ADAMTSL1: variants seen among roughly 807,000 people sequenced by gnomAD.
The protein encoded by ADAMTSL1 is ADAMTS-like protein 1.
Under a neutral mutation model 201.8 loss-of-function variants are expected in ADAMTSL1, and 126 were observed. That is an observed-to-expected ratio of 0.62 (90% confidence interval 0.54 to 0.72). ADAMTSL1 has a LOEUF of 0.72. ADAMTSL1 is among the 30% of genes least tolerant of loss of function. The pLI is 0.00. For missense variants in ADAMTSL1, 2,679 were observed against 2,277.8 expected (o/e 1.18, Z -3.59); for synonymous variants, 1,121 against 903.4 (o/e 1.24, Z -4.32).
At chr9:18,465,573 C>T (rs1254685486) in intron 2 of ADAMTSL1, among the ~76,000 whole-genome samples, 1 of 152,160 alleles carries the variant, frequency 6.6e-6, no homozygotes, top group South Asian at 2.1e-4. Context: ...TGGAATTACA[C>T]CCACTTGCTC....
chr9:18,399,428 C>T (rs1168798904), intron 2 of ADAMTSL1, among the ~76,000 whole-genome samples: 1 of 150,726 alleles, frequency 6.6e-6, no homozygotes, highest in East Asian at 2.0e-4. Flanking sequence ...CAACCTCCGC[C>T]TCCCGGGTTC....
intron 1 of ADAMTSL1, among the ~76,000 whole-genome samples, chr9:18,123,658 C>A (rs539561470): frequency 6.6e-6 from 1 of 152,056 alleles, no homozygotes; most frequent in Non-Finnish European, 1.5e-5. Context: ...TGTATAGGTT[C>A]AATGAATTTT....
At chr9:18,622,487 A>G (rs1025254564) in intron 5 of ADAMTSL1, 118 bp downstream of exon 5, 29 of 1,450,520 alleles carry the variant, frequency 2.0e-5, no homozygotes, top group Admixed American at 6.0e-5. Flanking sequence ...AATGAACCTG[A>G]AAATGTAGAA....
intron 1 of ADAMTSL1, among the ~76,000 whole-genome samples, chr9:18,080,201 A>C (rs1366640120): frequency 6.6e-6 from 1 of 152,208 alleles, no homozygotes; most frequent in Non-Finnish European, 1.5e-5. Context: ...CCAGAAGGAA[A>C]AGTCCTCAGT....
At chr9:18,674,408 C>G (rs1452881189) in intron 9 of ADAMTSL1, among the ~76,000 whole-genome samples, 1 of 152,036 alleles carries the variant, frequency 6.6e-6, no homozygotes, top group Non-Finnish European at 1.5e-5. Flanking sequence ...TTTGACTTCT[C>G]TCATGTATCC....
chr9:18,239,466 C>G (rs1422654958), intron 2 of ADAMTSL1, among the ~76,000 whole-genome samples: 1 of 152,148 alleles, frequency 6.6e-6, no homozygotes, highest in Non-Finnish European at 1.5e-5. Flanking sequence ...TGGCTGGGCA[C>G]CATGGCTCAC....
chr9:18,874,527 T>C (rs1293552438), intron 23 of ADAMTSL1, among the ~76,000 whole-genome samples: 1 of 152,162 alleles, frequency 6.6e-6, no homozygotes, highest in Non-Finnish European at 1.5e-5. Flanking sequence ...AGGTGCTTTT[T>C]CTGCATCAAT....
At chr9:18,460,267 A>T (rs1425561431) in intron 2 of ADAMTSL1, among the ~76,000 whole-genome samples, 1 of 152,174 alleles carries the variant, frequency 6.6e-6, no homozygotes, top group Non-Finnish European at 1.5e-5. Context: ...GTAAATAAAC[A>T]CCGTATCTTA....
At chr9:17,920,776 C>A (rs568736255) in intron 1 of ADAMTSL1, among the ~76,000 whole-genome samples, 2 of 152,314 alleles carry the variant, frequency 1.3e-5, no homozygotes, top group East Asian at 3.9e-4. Context: ...GCTATACGGT[C>A]TTTGTCCTAA....
At chr9:18,403,886 G>A (rs1390428273) in intron 2 of ADAMTSL1, among the ~76,000 whole-genome samples, 2 of 152,044 alleles carry the variant, frequency 1.3e-5, no homozygotes, top group Non-Finnish European at 2.9e-5. Context: ...TTAACTTTGA[G>A]GGCCTGTTGT....
At chr9:18,155,419 C>T (rs1378198843) in intron 1 of ADAMTSL1, among the ~76,000 whole-genome samples, 3 of 151,994 alleles carry the variant, frequency 2.0e-5, no homozygotes, top group Non-Finnish European at 2.9e-5. Flanking sequence ...GTCTGTCACC[C>T]ACTAGTTCTG....
At chr9:18,826,162 G>C in intron 21 of ADAMTSL1, 122 bp from the exon 22 acceptor site, 3 of 1,173,686 alleles carry the variant, frequency 2.6e-6, no homozygotes, top group Non-Finnish European at 2.4e-6. Context: ...AAGCCTGGTA[G>C]AAGATGTCCC....
intron 9 of ADAMTSL1, among the ~76,000 whole-genome samples, chr9:18,674,223 A>ACACAC (rs1564139447): frequency 0.041 from 5,410 of 130,602 alleles, 128 homozygotes; most frequent in Middle Eastern, 0.061. Flanking sequence ...CACACACACA[A>ACACAC]ACACACACAT....
intron 1 of ADAMTSL1, among the ~76,000 whole-genome samples, chr9:18,142,907 G>A (rs1826461902): frequency 6.6e-6 from 1 of 152,162 alleles, no homozygotes; most frequent in Non-Finnish European, 1.5e-5. Context: ...TTGTTTTCTA[G>A]TCTATCACAC....
chr9:18,184,587 T>C (rs1828649208), intron 2 of ADAMTSL1, among the ~76,000 whole-genome samples: 1 of 152,266 alleles, frequency 6.6e-6, no homozygotes, highest in African/African-American at 2.4e-5. Context: ...CCAAGTGCCT[T>C]GTCCTGGCCT....
intron 23 of ADAMTSL1, among the ~76,000 whole-genome samples, chr9:18,872,379 G>C (rs1827919955): frequency 1.3e-5 from 2 of 152,068 alleles, no homozygotes; most frequent in Admixed American, 1.3e-4. Flanking sequence ...GGTATTGTTT[G>C]GCTATATGGA....
chr9:18,655,157 G>T (rs1828549135), intron 7 of ADAMTSL1, among the ~76,000 whole-genome samples: 1 of 152,214 alleles, frequency 6.6e-6, no homozygotes. Flanking sequence ...TGCTTTCTCT[G>T]GAAAAGCCTT....
chr9:18,541,534 G>T (rs1010529007), intron 3 of ADAMTSL1, among the ~76,000 whole-genome samples: 1 of 151,776 alleles, frequency 6.6e-6, no homozygotes, highest in South Asian at 2.1e-4. Context: ...AAAAATTTAT[G>T]GGTGGGAGGA....
intron 2 of ADAMTSL1, among the ~76,000 whole-genome samples, chr9:18,205,694 A>T (rs527773010): frequency 2.6e-5 from 4 of 152,184 alleles, no homozygotes; most frequent in African/African-American, 7.2e-5. Context: ...CTGGAGCAAG[A>T]AGATACTAGT....
Sources: allele counts gnomAD v4.1 joint callset (sites outside exome capture counted in the v4.1 genomes callset), GRCh38; gene constraint gnomAD v4.1.1; transcripts MANE v1.5; gene names NCBI Gene and HGNC (gene_info 2026-07-23, HGNC 2026-07-21).